Variants in RAP1GAP2 observed in about 807,000 individuals in gnomAD.
RAP1GAP2 encodes the protein RAP1 GTPase activating protein 2.
A neutral mutation model predicts 95.0 loss-of-function variants in RAP1GAP2; 27 were observed. The observed-to-expected ratio is 0.28, with a 90% confidence interval of 0.21 to 0.39. The LOEUF (loss-of-function observed/expected upper bound fraction) is 0.39. Among genes scored for constraint, RAP1GAP2 ranks in the 10% least tolerant of loss-of-function variants. The pLI is 1.00. For missense variants in RAP1GAP2, 771 were observed against 970.0 expected (o/e 0.79, Z 2.72); for synonymous variants, 373 against 380.9 (o/e 0.98, Z 0.24).
At chr17:2,939,310 G>A (rs2043404476) in intron 3 of RAP1GAP2, among the ~76,000 whole-genome samples, 3 of 152,140 alleles carry the variant, frequency 2.0e-5, no homozygotes, top group Admixed American at 2.0e-4. Flanking sequence ...GGCTGGTCTC[G>A]AACTCCTGAC....
At chr17:2,808,358 C>T (rs548683919) in intron 2 of RAP1GAP2, among the ~76,000 whole-genome samples, 6 of 152,058 alleles carry the variant, frequency 3.9e-5, no homozygotes, top group African/African-American at 1.2e-4. Flanking sequence ...TTCATGGAGA[C>T]GGAGAACTAG....
At chr17:2,908,174 G>C (rs1390730159) in intron 3 of RAP1GAP2, among the ~76,000 whole-genome samples, 1 of 152,156 alleles carries the variant, frequency 6.6e-6, no homozygotes, top group Non-Finnish European at 1.5e-5. Flanking sequence ...GCACTGCTGT[G>C]GGCCTCTGCA....
Position 2,974,466 on chromosome 17 carries a change from C to T in RAP1GAP2, c.597-5821C>T, listed in dbSNP as rs140851528. Reference sequence around the variant, plus strand: ...ATGGAGGGAATGTCCCACTCGGGCTCTTTCTGAAAGAATTACTGAAGGATA... The same window carrying T: ...ATGGAGGGAATGTCCCACTCGGGCTTTTTCTGAAAGAATTACTGAAGGATA... On this transcript the variant is annotated intron_variant, in intron 8 of 24. Transcript: ENST00000254695. Among the ~76,000 whole-genome samples, 13 of 152,200 alleles carry T rather than the reference C, an allele frequency of 8.5e-5. No individual in the cohort carries two copies. In the East Asian group the frequency reaches 2.5e-3, roughly 29 times the overall value.
At chr17:2,892,800 A>G (rs1291920695) in intron 2 of RAP1GAP2, among the ~76,000 whole-genome samples, 1 of 152,190 alleles carries the variant, frequency 6.6e-6, no homozygotes, top group Non-Finnish European at 1.5e-5. Context: ...TCACAGGGCC[A>G]GCCCAGATTC....
chr17:2,861,242 T>C (rs1272681267), intron 2 of RAP1GAP2, among the ~76,000 whole-genome samples: 3 of 151,970 alleles, frequency 2.0e-5, no homozygotes, highest in African/African-American at 4.8e-5. Flanking sequence ...ATTTCCTCCA[T>C]GGTACTCCTC....
At position 2,970,130 on chromosome 17, in the gene RAP1GAP2, C is replaced by T. The variant is rs568153888; in HGVS notation, c.596+4487C>T. Among the ~76,000 whole-genome samples the T allele has an allele frequency of 2.0e-3, 299 of 151,736 alleles. 1 individual carries two copies. Among genetic ancestry groups the T allele is most frequent in the African/African-American group, 1.4e-3 (57 of 41,428 alleles). ...CTCTACTAAAAATACAAAAATTAGC[C>T]GGGCGTGGTGACATGCACCTGTAAC... On this transcript the variant is annotated intron_variant, in intron 8 of 24. Transcript: ENST00000254695.
At chr17:2,831,529 G>A (rs572534383) in intron 2 of RAP1GAP2, among the ~76,000 whole-genome samples, 195 of 151,806 alleles carry the variant, frequency 1.3e-3, no homozygotes, top group Middle Eastern at 6.8e-3. Context: ...ATTTAACGGT[G>A]TGGATTTAAT....
At chr17:2,927,005 C>CAAAAAAAAAAAAAAA (rs1242428206) in intron 3 of RAP1GAP2, among the ~76,000 whole-genome samples, 1 of 54,142 alleles carries the variant, frequency 1.8e-5, no homozygotes, top group African/African-American at 6.6e-5. Flanking sequence ...GACTCCATCT[C>CAAAAAAAAAAAAAAA]AAAAAAAAAA....
At chr17:3,001,089 G>A in intron 14 of RAP1GAP2, among the ~76,000 whole-genome samples, 2 of 27,514 alleles carry the variant, frequency 7.3e-5, no homozygotes, top group East Asian at 2.2e-3. Context: ...GGCTGGTGGA[G>A]GTAACAGTAT....
intron 2 of RAP1GAP2, among the ~76,000 whole-genome samples, chr17:2,889,889 A>ATATTTTTTTTTTTTT (rs1408426152): frequency 1.7e-5 from 1 of 57,324 alleles, no homozygotes; most frequent in Non-Finnish European, 3.1e-5. Context: ...ATATATATAT[A>ATATTTTTTTTTTTTT]TTTTTTTTTT....
At chr17:2,795,598 G>T (rs947711605), upstream of RAP1GAP2, among the ~76,000 whole-genome samples, 6 of 152,230 alleles carry the variant, frequency 3.9e-5, no homozygotes, top group Non-Finnish European at 5.9e-5. Flanking sequence ...CGGCGGGGGT[G>T]GGGGGCGGCT....
chr17:2,865,925 A>G (rs2072595509), intron 2 of RAP1GAP2, among the ~76,000 whole-genome samples: 1 of 152,214 alleles, frequency 6.6e-6, no homozygotes, highest in African/African-American at 2.4e-5. Context: ...TGTGTCCCAA[A>G]CGTTCATTCA....
At chr17:2,864,994 T>C (rs1338482116) in intron 2 of RAP1GAP2, among the ~76,000 whole-genome samples, 1 of 152,230 alleles carries the variant, frequency 6.6e-6, no homozygotes, top group African/African-American at 2.4e-5. Flanking sequence ...ATTCTCTGCA[T>C]GACACTGATG....
intron 2 of RAP1GAP2, among the ~76,000 whole-genome samples, chr17:2,770,754 A>G (rs1457844705): frequency 2.0e-4 from 31 of 152,160 alleles, no homozygotes; most frequent in Admixed American, 2.0e-3. Flanking sequence ...CAAAGCCTGG[A>G]GATTGGTCGG....
At chr17:2,840,486 C>T (rs939112051) in intron 2 of RAP1GAP2, among the ~76,000 whole-genome samples, 2 of 151,904 alleles carry the variant, frequency 1.3e-5, no homozygotes, top group Admixed American at 6.6e-5. Context: ...TTCTTCCATC[C>T]GTAGTATACT....
At position 2,866,809 on chromosome 17, in the gene RAP1GAP2, G is replaced by A. The variant is rs60597297; in HGVS notation, c.81-38475G>A. Among the ~76,000 whole-genome samples the A allele has an allele frequency of 0.2, 30,624 of 151,466 alleles. 4,427 individuals carry two copies. Among genetic ancestry groups the A allele is most frequent in the East Asian group, 0.56 (2,889 of 5,138 alleles). ...GAGATGGGGTTTCACCACGTTGGCC[G>A]GGCTGGTCTCGAACTCCTGGCCTCA... On this transcript the variant is annotated intron_variant, in intron 2 of 24. Coordinates refer to ENST00000254695, the MANE Select transcript of RAP1GAP2 (RefSeq NM_015085.5). This position sits in a 1 kb window ranked among gnomAD's most constrained non-coding sequence, Gnocchi z 4.0.
chr17:2,938,325 A>G (rs1484941463), intron 3 of RAP1GAP2, among the ~76,000 whole-genome samples: 1 of 152,056 alleles, frequency 6.6e-6, no homozygotes, highest in Non-Finnish European at 1.5e-5. Context: ...CTCCCACACC[A>G]CACTGCCTTG....
At chr17:2,982,490 G>A (rs947565066) in intron 10 of RAP1GAP2, among the ~76,000 whole-genome samples, 3 of 152,178 alleles carry the variant, frequency 2.0e-5, no homozygotes, top group African/African-American at 7.2e-5. Flanking sequence ...AGAAGCAGCC[G>A]TGTATCCATC....
chr17:2,928,642 A>T lies in RAP1GAP2; in HGVS notation c.165+23274A>T, dbSNP rs192060845. 1.4e-3 allele frequency among the ~76,000 whole-genome samples: 206 copies of T among 152,280 alleles called. 1 individual carries two copies. The highest frequency in any genetic ancestry group is 4.6e-3 in the African/African-American group (193 of 41,550). On this transcript the variant is annotated intron_variant, in intron 3 of 24. Transcript: ENST00000254695. ...TCAGCGAGGCTCCGGCAGGGCGAGT[A>T]AACAGGCACACATGTTTAAAATTCA...
Sources: allele counts gnomAD v4.1 joint callset (sites outside exome capture counted in the v4.1 genomes callset), GRCh38; gene constraint gnomAD v4.1.1; non-coding constraint Gnocchi (gnomAD v3.1); transcripts MANE v1.5; gene names NCBI Gene and HGNC (gene_info 2026-07-23, HGNC 2026-07-21).